The following PIK3CB variants were observed in gnomAD, a reference collection of about 807,000 sequenced individuals.
PIK3CB encodes the protein phosphatidylinositol-4,5-bisphosphate 3-kinase catalytic subunit beta, also known as phosphatidylinositol 4,5-bisphosphate 3-kinase catalytic subunit beta isoform.
A neutral mutation model predicts 136.8 loss-of-function variants in PIK3CB; 39 were observed. That is an observed-to-expected ratio of 0.29 (90% CI 0.22 to 0.37). The LOEUF is 0.37. Ranked by LOEUF, PIK3CB falls within the 10% of genes least tolerant of loss-of-function variation. The pLI is 1.00. For synonymous variants in PIK3CB, 428 were observed against 436.6 expected (o/e 0.98, Z 0.25); for missense variants, 868 against 1,275.4 (o/e 0.68, Z 4.87).
At chr3:138,672,916 A>G (rs1484956014) in intron 19 of PIK3CB, among the ~76,000 whole-genome samples, 3 of 151,004 alleles carry the variant, frequency 2.0e-5, no homozygotes, top group African/African-American at 7.3e-5. Flanking sequence ...CGTTGAAAAA[A>G]AAAAAAAAAA....
chr3:138,802,465 G>A (rs2046188147), intron 1 of PIK3CB, among the ~76,000 whole-genome samples: 1 of 151,612 alleles, frequency 6.6e-6, no homozygotes, highest in Non-Finnish European at 1.5e-5. Flanking sequence ...GAGGGAAAGA[G>A]GGCAAGAGGG....
intron 4 of PIK3CB, among the ~76,000 whole-genome samples, chr3:138,746,454 A>AT (rs2045355990): frequency 6.6e-6 from 1 of 151,968 alleles, no homozygotes; most frequent in Non-Finnish European, 1.5e-5. Context: ...AGGTCAGGAG[A>AT]TTGAGACCAT....
chr3:138,707,593 C>G (rs1180740930), intron 10 of PIK3CB: 1 of 1,090,690 alleles, frequency 9.2e-7, no homozygotes, highest in East Asian at 7.2e-5. Flanking sequence ...CTCTCTCCAT[C>G]AAAATTAGGT....
intron 2 of PIK3CB, 143 bp from the exon 3 acceptor site, chr3:138,759,502 T>C (rs1409109320): frequency 1.9e-6 from 1 of 532,926 alleles, no homozygotes; most frequent in Non-Finnish European, 3.3e-6. Context: ...AATAATGTGA[T>C]ATTTTAAAAA....
Position 138,773,176 on chromosome 3 carries a change from G to A in PIK3CB, c.-16-13817C>T, listed in dbSNP as rs917236984. 5.9e-5 allele frequency among the ~76,000 whole-genome samples: 9 copies of A among 152,060 alleles called. No homozygotes were observed. The South Asian group carries it at 6.2e-4, about 11-fold the overall frequency. ...AGCACTTTGGGAGGCTGAGGTGGGC[G>A]AATCACTTGAGGTCAGGAGTTCAAG... On this transcript the variant is annotated intron_variant, in intron 2 of 23. Transcript: ENST00000674063.
Position 138,699,083 on chromosome 3 carries a change from T to A in PIK3CB, c.1594A>T (p.Lys532Ter). 1 of 1,562,142 alleles carries A rather than the reference T, an allele frequency of 6.4e-7. No homozygotes were observed. Among genetic ancestry groups the A allele is most frequent in the Non-Finnish European group, 8.7e-7 (1 of 1,145,968 alleles). ...TCTTTCAATACAGGAAGAAACTTTT[T>A]TCCACCTCGACTCTAAAAAAGTAAA... ...DSANVSSRGG[K>*]KFLPVLKEIL... The change falls in exon 13 of 24, where the codon AAA (lysine) becomes TAA (stop). Residue 532 changes from lysine (K) to a stop codon, truncating the protein, a stop_gained. Coordinates refer to ENST00000674063, the MANE Select transcript of PIK3CB (RefSeq NM_006219.3). LOFTEE classifies it high-confidence loss of function.
In PIK3CB at chr3:138,749,358, C is replaced by A. The variant is rs544375131; in HGVS notation, c.397+6396G>T. On this transcript the variant is annotated intron_variant, in intron 4 of 23. Transcript: ENST00000674063. ...TAACCTAATCCTGGCCATCATCACC[C>A]TTCCTTTGGGTTACAACATTTTTTC... is the stretch of plus-strand genomic sequence containing the variant. Among the ~76,000 whole-genome samples, 3 of 152,322 alleles carry A rather than the reference C, an allele frequency of 2.0e-5. No homozygotes were observed. The South Asian group carries it at 6.2e-4, about 32-fold the overall frequency.
chr3:138,773,149 C>T (rs2045819846), intron 2 of PIK3CB, among the ~76,000 whole-genome samples: 1 of 151,802 alleles, frequency 6.6e-6, no homozygotes, highest in African/African-American at 2.4e-5. Flanking sequence ...GCCTGTAATC[C>T]CAGCACTTTG....
At chr3:138,811,432 CT>C (rs1209224609) in intron 1 of PIK3CB, among the ~76,000 whole-genome samples, 180 of 141,520 alleles carry the variant, frequency 1.3e-3, no homozygotes, top group Non-Finnish European at 1.3e-3. Context: ...AGAAAATTAC[CT>C]TTTTTTTTTT....
At chr3:138,788,841 G>A (rs1293377132) in intron 2 of PIK3CB, among the ~76,000 whole-genome samples, 1 of 150,986 alleles carries the variant, frequency 6.6e-6, no homozygotes, top group Non-Finnish European at 1.5e-5. Context: ...GTACGCACCT[G>A]TAATCCCAGC....
At chr3:138,826,163 CA>C (rs1933774540) in intron 1 of PIK3CB, 2 of 1,075,924 alleles carry the variant, frequency 1.9e-6, no homozygotes, top group Middle Eastern at 2.9e-4. Context: ...TGGTTCCTGA[CA>C]AGCCGATGTA....
Position 138,778,191 on chromosome 3 carries a change from C to T in PIK3CB, c.-17+18272G>A, listed in dbSNP as rs533533798. ...AAACCGAAAGGGTCATCATCTCTGC[C>T]CCCTCTGCTGATGCCCCCATGTTTG... is the stretch of plus-strand genomic sequence containing the variant. On this transcript the variant is annotated intron_variant, in intron 2 of 23. Coordinates refer to ENST00000674063, the MANE Select transcript of PIK3CB (RefSeq NM_006219.3). 109 of 457,580 alleles carry T rather than the reference C, an allele frequency of 2.4e-4. 1 individual carries two copies. Among genetic ancestry groups the T allele is most frequent in the African/African-American group, 2.0e-3 (99 of 50,148 alleles). 28.3% of individuals were successfully genotyped at this position (457,580 alleles called of 1,614,324 possible). A position where few individuals can be genotyped will look rare whatever the true frequency, so the allele number is the denominator to read the frequency against.
chr3:138,813,130 T>A lies in PIK3CB; in HGVS notation c.-121-16563A>T, dbSNP rs184456807. The stretch of plus-strand genomic sequence containing the variant: ...ATTACCTCAAAATAAGAAAAAAAAA[T>A]TTTTTTAATGGTGTCTAGAACTGAA... On this transcript the variant is annotated intron_variant, in intron 1 of 23. Coordinates refer to ENST00000674063, the MANE Select transcript of PIK3CB (RefSeq NM_006219.3). Among the ~76,000 whole-genome samples, 130 of 151,924 alleles carry A rather than the reference T, an allele frequency of 8.6e-4. 1 individual carries two copies. The highest frequency in any genetic ancestry group is 6.1e-3 in the Admixed American group (93 of 15,214).
intron 8 of PIK3CB, among the ~76,000 whole-genome samples, chr3:138,715,503 A>G (rs2044588809): frequency 6.6e-6 from 1 of 152,220 alleles, no homozygotes; most frequent in African/African-American, 2.4e-5. Flanking sequence ...ATTACTCAAC[A>G]AATATTTACT....
At chr3:138,784,329 C>T (rs1166780432) in intron 2 of PIK3CB, among the ~76,000 whole-genome samples, 4 of 152,152 alleles carry the variant, frequency 2.6e-5, no homozygotes, top group African/African-American at 9.7e-5. Flanking sequence ...TTGCAATGAG[C>T]TAAGATCACG....
chr3:138,756,475 A>C (rs1023764262), intron 3 of PIK3CB, among the ~76,000 whole-genome samples: 3 of 152,216 alleles, frequency 2.0e-5, no homozygotes, highest in Admixed American at 6.5e-5. Flanking sequence ...TACAATATTT[A>C]AATTATTTTT....
At chr3:138,820,776 G>A (rs1933526872) in intron 1 of PIK3CB, among the ~76,000 whole-genome samples, 1 of 152,158 alleles carries the variant, frequency 6.6e-6, no homozygotes, top group Non-Finnish European at 1.5e-5. Context: ...TTATAGGCAT[G>A]AGCCACCGTG....
At chr3:138,814,949 A>G (rs1559889243) in intron 1 of PIK3CB, among the ~76,000 whole-genome samples, 1 of 151,898 alleles carries the variant, frequency 6.6e-6, no homozygotes. Flanking sequence ...CATCCTGGCT[A>G]ACACGGTGAA....
chr3:138,829,121 A>AT (rs1933917282), intron 1 of PIK3CB, among the ~76,000 whole-genome samples: 1 of 151,694 alleles, frequency 6.6e-6, no homozygotes, highest in South Asian at 2.1e-4. Context: ...TATTTTATTT[A>AT]TTTTTTAGCA....
Sources: allele counts gnomAD v4.1 joint callset (sites outside exome capture counted in the v4.1 genomes callset), GRCh38; gene constraint gnomAD v4.1.1; transcripts MANE v1.5; gene names NCBI Gene and HGNC (gene_info 2026-07-23, HGNC 2026-07-21).